The following CNTN6 variants were observed in gnomAD, a reference collection of about 807,000 sequenced individuals.
CNTN6 encodes contactin 6.
Under a neutral mutation model 122.8 loss-of-function variants are expected in CNTN6, and 137 were observed. That is an observed-to-expected ratio of 1.12 (90% confidence interval 0.97 to 1.29). The LOEUF (loss-of-function observed/expected upper bound fraction) is 1.29. CNTN6 is among the 50% of genes most tolerant of loss of function. The pLI is 0.00. For missense variants in CNTN6, 1,634 were observed against 1,223.4 expected (o/e 1.34, Z -5.01); for synonymous variants, 570 against 426.0 (o/e 1.34, Z -4.16).
chr3:1,333,026 G>A (rs1338134160), intron 11 of CNTN6, among the ~76,000 whole-genome samples: 3 of 151,974 alleles, frequency 2.0e-5, no homozygotes, highest in Admixed American at 2.0e-4. Context: ...CACAAAATAT[G>A]TTTTCTTACA....
chr3:1,219,212 T>C (rs912786059), intron 2 of CNTN6, among the ~76,000 whole-genome samples: 1 of 152,216 alleles, frequency 6.6e-6, no homozygotes, highest in African/African-American at 2.4e-5. Flanking sequence ...ACTTTTATAC[T>C]GGAGAAGTCT....
At chr3:1,113,090 C>T (rs770775400) in intron 1 of CNTN6, among the ~76,000 whole-genome samples, 12 of 152,166 alleles carry the variant, frequency 7.9e-5, no homozygotes, top group East Asian at 1.9e-4. Flanking sequence ...CAGGCTCTGA[C>T]GTCTCTTGAG....
At chr3:1,384,106 C>CAGTA (rs914163598) in intron 19 of CNTN6, among the ~76,000 whole-genome samples, 2 of 152,182 alleles carry the variant, frequency 1.3e-5, no homozygotes, top group African/African-American at 4.8e-5. Flanking sequence ...CATACAGATT[C>CAGTA]AGTAAGTAAG....
In CNTN6 at chr3:1,363,342, G is replaced by C. The variant is rs920451195; in HGVS notation, c.1493-8957G>C. Among the ~76,000 whole-genome samples, 4 of 151,920 alleles carry C rather than the reference G, an allele frequency of 2.6e-5. 1 individual carries two copies. The highest frequency in any genetic ancestry group is 9.6e-5 in the African/African-American group (4 of 41,468). ...TATATACACAGATAACTGTATCATTGTGCTGTGCATTCTATCTCTAGACTT... is the reference window on the plus strand; with the variant it reads ...TATATACACAGATAACTGTATCATTCTGCTGTGCATTCTATCTCTAGACTT... On this transcript the variant is annotated intron_variant, in intron 12 of 22. Transcript: ENST00000446702.
At chr3:1,329,109 A>T (rs1701925503) in intron 10 of CNTN6, among the ~76,000 whole-genome samples, 1 of 151,264 alleles carries the variant, frequency 6.6e-6, no homozygotes. Flanking sequence ...ATACGTATAT[A>T]TGTATATGTG....
In CNTN6 at chr3:1,300,506, AG is replaced by A. The variant is rs1195962233; in HGVS notation, c.761+2516del. 5.7e-4 allele frequency among the ~76,000 whole-genome samples: 78 copies of A among 137,164 alleles called. 1 individual carries two copies. Among genetic ancestry groups the A allele is most frequent in the African/African-American group, 2.5e-3 (75 of 30,126 alleles). 90.0% of individuals were successfully genotyped at this position (137,164 alleles called of 152,430 possible). A position where few individuals can be genotyped will look rare whatever the true frequency, so the allele number is the denominator to read the frequency against. On this transcript the variant is annotated intron_variant, in intron 7 of 22. Transcript: ENST00000446702. ...AAGGAAGGAAGGAAAAAGAAAAGAA[AG>A]AGAAAGAAAGAAAGAAAGATAAAGA... is the stretch of plus-strand genomic sequence containing the variant.
rs1702059565 is a variant in CNTN6, at chr3:1,329,913, G to C, written c.1342G>C (p.Glu448Gln). Reference sequence around the variant, plus strand: ...AGCTATCTCTTGGAAAAGAGGAACGGAGACCCTTAGACAAAGCAAAAGGTA... The same window carrying C: ...AGCTATCTCTTGGAAAAGAGGAACGCAGACCCTTAGACAAAGCAAAAGGTA... The part of the protein sequence containing the change: ...RAAISWKRGT[E>Q]TLRQSKRIFL... Residue 448 changes from glutamate to glutamine, a missense_variant, in exon 11 of 23, where the codon GAG becomes CAG. By Grantham distance (29) the Glu-to-Gln change is conservative. Coordinates refer to ENST00000446702, the MANE Select transcript of CNTN6 (RefSeq NM_001289080.2). 1.2e-6 allele frequency: 2 copies of C among 1,609,298 alleles called. No homozygotes were observed. Among genetic ancestry groups the C allele is most frequent in the East Asian group, 2.2e-5 (1 of 44,602 alleles).
intron 4 of CNTN6, among the ~76,000 whole-genome samples, chr3:1,268,524 G>A (rs1267879329): frequency 1.8e-4 from 27 of 148,902 alleles, no homozygotes; most frequent in Admixed American, 4.0e-4. Flanking sequence ...GGAGAATGGC[G>A]TGAACCCGGG....
intron 9 of CNTN6, among the ~76,000 whole-genome samples, chr3:1,326,328 A>G (rs76619082): frequency 0.012 from 1,820 of 151,768 alleles, 39 homozygotes; most frequent in African/African-American, 0.042. Context: ...TCATGAAAAC[A>G]TTATAAGAGA....
chr3:1,300,557 A>AAAAGAAAGAAAGAAAGAAAGAAAG, intron 7 of CNTN6, among the ~76,000 whole-genome samples: 1 of 107,186 alleles, frequency 9.3e-6, no homozygotes, highest in Non-Finnish European at 2.0e-5. Flanking sequence ...AAGAGAAAGA[A>AAAAGAAAGAAAGAAAGAAAGAAAG]AAAGAAAGAA....
rs530503500 is a variant in CNTN6 at position 1,329,115 on chromosome 3, A to G, written c.1214-670A>G. Among the ~76,000 whole-genome samples, 18 of 151,334 alleles carry G rather than the reference A, an allele frequency of 1.2e-4. No homozygotes were observed. In the South Asian group the frequency reaches 3.8e-3, roughly 32 times the overall value. On this transcript the variant is annotated intron_variant, in intron 10 of 22. Coordinates refer to ENST00000446702, the MANE Select transcript of CNTN6 (RefSeq NM_001289080.2). ...TATGTGTATATACGTATATATGTAT[A>G]TGTGTGTGTGTTTCTTCAACATCAT...
chr3:1,236,906 C>G (rs141320776), intron 4 of CNTN6, among the ~76,000 whole-genome samples: 414 of 152,102 alleles, frequency 2.7e-3, no homozygotes, highest in Non-Finnish European at 4.3e-3. Flanking sequence ...TGGTGAAACC[C>G]TGTCTCTACT....
intron 4 of CNTN6, among the ~76,000 whole-genome samples, chr3:1,237,969 T>C (rs1486622955): frequency 6.6e-6 from 1 of 151,132 alleles, no homozygotes; most frequent in African/African-American, 2.4e-5. Context: ...TCACAGAACC[T>C]ATATAACAAT....
chr3:1,383,124 T>A lies in CNTN6; in HGVS notation c.2349T>A (p.Asn783Lys). 6.2e-7 allele frequency: 1 copy of A among 1,614,098 alleles called. No individual in the cohort carries two copies. The highest frequency in any genetic ancestry group is 1.3e-5 in the African/African-American group (1 of 75,048). ...PFEVKVGVYN[N>K]EGEGSLSTVT... is the part of the protein sequence containing the mutation. ...AAGTCAAAGTGGGTGTGTATAATAA[T>A]GAAGGAGAAGGATCCCTGAGTACTG... The change falls in exon 18 of 23, where the codon AAT (asparagine) becomes AAA (lysine). Residue 783 changes from asparagine to lysine, a missense_variant. Asn to Lys is a moderately conservative substitution (Grantham distance 94). Transcript: ENST00000446702.
chr3:1,282,523 G>A (rs1693646326), intron 5 of CNTN6, among the ~76,000 whole-genome samples: 1 of 152,188 alleles, frequency 6.6e-6, no homozygotes, highest in Admixed American at 6.5e-5. Context: ...GATGGGTTTT[G>A]TGATTGTAAC....
intron 2 of CNTN6, among the ~76,000 whole-genome samples, chr3:1,192,027 C>T (rs1404850908): frequency 6.6e-6 from 1 of 152,124 alleles, no homozygotes; most frequent in Non-Finnish European, 1.5e-5. Context: ...CGGTGCCGTG[C>T]TCTAGTATTT....
chr3:1,317,460 C>T (rs1176560581), intron 7 of CNTN6, among the ~76,000 whole-genome samples: 3 of 151,678 alleles, frequency 2.0e-5, no homozygotes, highest in East Asian at 1.9e-4. Context: ...CTAACTGAAA[C>T]GTTCAAAAAG....
intron 2 of CNTN6, among the ~76,000 whole-genome samples, chr3:1,170,223 T>A: frequency 8.9e-6 from 1 of 112,942 alleles, no homozygotes. Context: ...GATGACAGAG[T>A]AAGGCTCCAT....
intron 1 of CNTN6, among the ~76,000 whole-genome samples, chr3:1,122,091 C>G (rs765046350): frequency 2.1e-4 from 32 of 151,744 alleles, no homozygotes; most frequent in Non-Finnish European, 4.0e-4. Flanking sequence ...TATTTTTTTG[C>G]AAATCAATTA....
Sources: allele counts gnomAD v4.1 joint callset (sites outside exome capture counted in the v4.1 genomes callset), GRCh38; gene constraint gnomAD v4.1.1; transcripts MANE v1.5; gene names NCBI Gene and HGNC (gene_info 2026-07-23, HGNC 2026-07-21).